CPVL: variants seen among roughly 807,000 people sequenced by gnomAD.
The protein encoded by CPVL is carboxypeptidase vitellogenic like, also known as probable serine carboxypeptidase CPVL.
CPVL carries 51 observed loss-of-function variants against 63.7 expected under a neutral mutation model. That is an observed-to-expected ratio of 0.80 (90% CI 0.64 to 1.01). The LOEUF (loss-of-function observed/expected upper bound fraction) is 1.01, where lower values mean the gene tolerates loss of function less well. Among genes scored for constraint, CPVL ranks in the 50% least tolerant of loss-of-function variants. The pLI, the probability that CPVL is intolerant of heterozygous loss-of-function variation, is 0.00. For missense variants in CPVL, 530 were observed against 573.1 expected (o/e 0.92, Z 0.77); for synonymous variants, 195 against 206.0 (o/e 0.95, Z 0.46).
intron 11 of CPVL, among the ~76,000 whole-genome samples, chr7:29,032,659 T>G (rs1178842033): frequency 6.6e-6 from 1 of 152,218 alleles, no homozygotes; most frequent in Admixed American, 6.5e-5. Flanking sequence ...AAAGTGATTC[T>G]TCTTCTAGAA....
chr7:29,041,903 T>C (rs1789128148), intron 11 of CPVL, among the ~76,000 whole-genome samples: 1 of 152,208 alleles, frequency 6.6e-6, no homozygotes, highest in Non-Finnish European at 1.5e-5. Context: ...AAGGACAATA[T>C]ATTGTTAAAA....
At chr7:29,126,669 C>T (rs1790057689) in intron 1 of CPVL, 1 of 152,240 alleles carries the variant, frequency 6.6e-6, no homozygotes, top group Non-Finnish European at 1.5e-5. Flanking sequence ...CTCGTTTCCA[C>T]TTCCCCACTT....
In CPVL at chr7:29,096,081, ATACAGTGCAAGGGATACT is replaced by A; in HGVS notation, c.403+4_403+21del. ...GCTCAGATGAAAGATTCTATAGGAA[ATACAGTGCAAGGGATACT>A]TACAGGTCATGTTACTTGTGACAAC... is the stretch of plus-strand genomic sequence containing the variant. On this transcript the variant is annotated splice_donor_5th_base_variant and intron_variant, in intron 4 of 12. Coordinates refer to ENST00000265394, the MANE Select transcript of CPVL (RefSeq NM_031311.5). 6.4e-7 allele frequency: 1 copy of A among 1,567,082 alleles called. No individual in the cohort carries two copies. Among genetic ancestry groups the A allele is most frequent in the Non-Finnish European group, 8.8e-7 (1 of 1,137,040 alleles).
chr7:29,128,136 TC>T (rs2128652610), intron 1 of CPVL: 1 of 151,300 alleles, frequency 6.6e-6, no homozygotes, highest in East Asian at 1.9e-4. Flanking sequence ...GCAGATGAGA[TC>T]CTGGGACAAC....
intron 5 of CPVL, among the ~76,000 whole-genome samples, chr7:29,163,996 A>G (rs1035471410): frequency 6.6e-5 from 10 of 152,354 alleles, no homozygotes; most frequent in African/African-American, 2.2e-4. Flanking sequence ...ACAAGTCCTT[A>G]TGTGGACATA....
chr7:29,028,229 A>C (rs1272212753), intron 12 of CPVL, among the ~76,000 whole-genome samples: 1 of 152,206 alleles, frequency 6.6e-6, no homozygotes, highest in Non-Finnish European at 1.5e-5. Flanking sequence ...TGCTGGGTAA[A>C]CTGGGATCCA....
Position 29,096,219 on chromosome 7 carries a change from T to C in CPVL, c.289-2A>G, listed in dbSNP as rs1395126416. Reference sequence around the variant, plus strand: ...TACTGGGGCATCTTCTGGCTGTATCTAGAGGAAACAGTAAAACCAGTGACC... The same window carrying C: ...TACTGGGGCATCTTCTGGCTGTATCCAGAGGAAACAGTAAAACCAGTGACC... On this transcript the variant is annotated splice_acceptor_variant, in intron 3 of 12. Coordinates refer to ENST00000265394, the MANE Select transcript of CPVL (RefSeq NM_031311.5). LOFTEE classifies it high-confidence loss of function. 3.1e-6 allele frequency: 5 copies of C among 1,609,698 alleles called. No homozygotes were observed. The highest frequency in any genetic ancestry group is 4.3e-6 in the Non-Finnish European group (5 of 1,176,062).
intron 9 of CPVL, among the ~76,000 whole-genome samples, chr7:29,068,189 G>A (rs1347923592): frequency 6.6e-6 from 1 of 151,668 alleles, no homozygotes; most frequent in Non-Finnish European, 1.5e-5. Flanking sequence ...TTGTGTGTGT[G>A]TATTTTTAAT....
At chr7:29,016,854 T>C (rs1786463476) in intron 12 of CPVL, among the ~76,000 whole-genome samples, 1 of 152,164 alleles carries the variant, frequency 6.6e-6, no homozygotes. Flanking sequence ...CGACCTCTAT[T>C]TCAGGACTTC....
At chr7:29,194,677 T>C (rs1024635725) in intron 1 of CPVL, 3 of 366,608 alleles carry the variant, frequency 8.2e-6, no homozygotes, top group Non-Finnish European at 1.4e-5. Context: ...GGCCTCCCTC[T>C]GCTCCCACCT....
intron 1 of CPVL, chr7:29,126,314 CCTT>C (rs1201156252): frequency 6.6e-6 from 1 of 152,066 alleles, no homozygotes; most frequent in African/African-American, 2.4e-5. Context: ...AGAAATCAGG[CCTT>C]CTTTTTTTCA....
intron 5 of CPVL, among the ~76,000 whole-genome samples, chr7:29,155,347 A>G (rs999282014): frequency 6.6e-6 from 1 of 152,250 alleles, no homozygotes; most frequent in African/African-American, 2.4e-5. Context: ...AAGAGGAAAG[A>G]CAAGGCTGAG....
chr7:29,155,430 G>C (rs1376638672), intron 5 of CPVL, among the ~76,000 whole-genome samples: 1 of 152,144 alleles, frequency 6.6e-6, no homozygotes, highest in African/African-American at 2.4e-5. Context: ...TCACACATGA[G>C]GTCATTCAGC....
At chr7:29,157,897 C>T (rs899122445) in intron 5 of CPVL, among the ~76,000 whole-genome samples, 10 of 152,202 alleles carry the variant, frequency 6.6e-5, no homozygotes, top group East Asian at 5.8e-4. Flanking sequence ...AAAAATGCTC[C>T]GGCAGTCCTT....
chr7:29,076,033 C>T lies in CPVL; in HGVS notation c.610-3610G>A, dbSNP rs191914715. ...TTTCTCAATTTAATGATTCTCTGAC[C>T]GCCATTAAGTACTTCAAAAGACAAC... On this transcript the variant is annotated intron_variant, in intron 7 of 12. Transcript: ENST00000265394. Among the ~76,000 whole-genome samples, 19 of 124,608 alleles carry T rather than the reference C, an allele frequency of 1.5e-4. 2 individuals are homozygous for T. The highest frequency in any genetic ancestry group is 5.5e-4 in the African/African-American group (18 of 32,696). 81.7% of individuals were successfully genotyped at this position (124,608 alleles called of 152,430 possible). A position where few individuals can be genotyped will look rare whatever the true frequency, so the allele number is the denominator to read the frequency against.
At chr7:29,079,024 T>C (rs907387609) in intron 7 of CPVL, among the ~76,000 whole-genome samples, 8 of 152,200 alleles carry the variant, frequency 5.3e-5, no homozygotes, top group African/African-American at 1.4e-4. Context: ...TGAGAAATAA[T>C]TGCATTCCAA....
intron 5 of CPVL, among the ~76,000 whole-genome samples, chr7:29,165,664 G>A (rs1317449322): frequency 6.6e-6 from 1 of 152,196 alleles, no homozygotes; most frequent in Non-Finnish European, 1.5e-5. Flanking sequence ...TCACCATTAG[G>A]TGAGGTGTTA....
chr7:29,148,840 G>A (rs184805845), upstream of CPVL, among the ~76,000 whole-genome samples: 268 of 152,280 alleles, frequency 1.8e-3, no homozygotes, highest in Middle Eastern at 3.4e-3. Context: ...CTGTAATTGG[G>A]GCTGATAAAG....
At chr7:29,015,822 T>C (rs1460051121) in intron 12 of CPVL, among the ~76,000 whole-genome samples, 1 of 152,166 alleles carries the variant, frequency 6.6e-6, no homozygotes, top group African/African-American at 2.4e-5. Context: ...AAATCTCAGA[T>C]ACTATTACTG....
Sources: gnomAD v4.1 joint callset for allele counts (sites outside exome capture counted in the v4.1 genomes callset) on GRCh38, gnomAD v4.1.1 for gene constraint, MANE v1.5 for transcripts, NCBI Gene and HGNC (gene_info 2026-07-23, HGNC 2026-07-21) for gene names.